The following IFTAP variants were observed in gnomAD, a reference collection of about 807,000 sequenced individuals.
IFTAP encodes intraflagellar transport associated protein, also known as intraflagellar transport-associated protein.
A neutral mutation model predicts 19.4 loss-of-function variants in IFTAP; 19 were observed. That is an observed-to-expected ratio of 0.98 (90% CI 0.68 to 1.44). The LOEUF is 1.44. Among genes scored for constraint, IFTAP ranks in the 40% most tolerant of loss-of-function variants. IFTAP has a pLI of 0.00. For missense variants in IFTAP, 240 were observed against 253.6 expected (o/e 0.95, Z 0.36); for synonymous variants, 85 against 83.5 (o/e 1.02, Z -0.10).
intron 2 of IFTAP, among the ~76,000 whole-genome samples, chr11:36,629,777 GA>G (rs1852659508): frequency 6.6e-6 from 1 of 151,084 alleles, no homozygotes; most frequent in Non-Finnish European, 1.5e-5. Flanking sequence ...AGATCTGTTG[GA>G]AGCTTGTCTG....
chr11:36,622,844 C>T (rs138248359), intron 2 of IFTAP, among the ~76,000 whole-genome samples: 21 of 152,130 alleles, frequency 1.4e-4, no homozygotes, highest in Non-Finnish European at 2.2e-4. Flanking sequence ...GTTTATACCC[C>T]ATTTCTTGAA....
intron 2 of IFTAP, among the ~76,000 whole-genome samples, chr11:36,625,650 A>G (rs761120753): frequency 1.1e-4 from 16 of 152,194 alleles, no homozygotes; most frequent in Non-Finnish European, 1.9e-4. Context: ...AATATCTACT[A>G]TGTGCTAAAT....
chr11:36,603,855 G>T (rs1370690595), intron 1 of IFTAP, among the ~76,000 whole-genome samples: 1 of 151,628 alleles, frequency 6.6e-6, no homozygotes, highest in Non-Finnish European at 1.5e-5. Flanking sequence ...CCAGGAAGTA[G>T]AGGCTGCAGT....
rs28556800 is a variant in IFTAP, at chr11:36,650,559, A to C, written c.498+2404A>C. ...ACCACTGGTTCTTTTTTTTTTTTCCAAAAAAAAAATATATTTTTATTATAC... is the reference window on the plus strand; with the variant it reads ...ACCACTGGTTCTTTTTTTTTTTTCCCAAAAAAAAATATATTTTTATTATAC... On this transcript the variant is annotated intron_variant, in intron 5 of 5. Coordinates refer to ENST00000334307, the MANE Select transcript of IFTAP (RefSeq NM_138787.4). Among the ~76,000 whole-genome samples the C allele has an allele frequency of 3.1e-3, 431 of 139,464 alleles. 4 individuals carry two copies. Among genetic ancestry groups the C allele is most frequent in the South Asian group, 0.025 (112 of 4,422 alleles). The allele number at this position is 139,464 out of a possible 152,430, so 91.5% of individuals were successfully genotyped here. A position where few individuals can be genotyped will look rare whatever the true frequency, so the allele number is the denominator to read the frequency against.
intron 4 of IFTAP, among the ~76,000 whole-genome samples, chr11:36,646,038 A>G (rs1853467660): frequency 6.6e-6 from 1 of 152,164 alleles, no homozygotes; most frequent in Non-Finnish European, 1.5e-5. Flanking sequence ...AGACGTGGAG[A>G]ATACTGAGTC....
chr11:36,613,271 T>C (rs764565061), intron 2 of IFTAP, among the ~76,000 whole-genome samples: 3 of 152,058 alleles, frequency 2.0e-5, no homozygotes, highest in Non-Finnish European at 4.4e-5. Flanking sequence ...AACTAATTTA[T>C]AGGACTTTCT....
At chr11:36,633,090 C>T (rs1318771374) in intron 2 of IFTAP, among the ~76,000 whole-genome samples, 194 bp from the exon 3 acceptor site, 5 of 151,170 alleles carry the variant, frequency 3.3e-5, no homozygotes, top group Admixed American at 2.6e-4. Flanking sequence ...TGTTGAGTGA[C>T]ATAATGTTAT....
intron 4 of IFTAP, among the ~76,000 whole-genome samples, chr11:36,638,839 T>G (rs903011025): frequency 6.6e-6 from 1 of 152,214 alleles, no homozygotes; most frequent in South Asian, 2.1e-4. Context: ...CTCATAAATA[T>G]TCTCTAAGAT....
intron 5 of IFTAP, among the ~76,000 whole-genome samples, chr11:36,654,353 A>G (rs188765338): frequency 1.3e-5 from 2 of 150,466 alleles, no homozygotes; most frequent in Non-Finnish European, 3.0e-5. Context: ...TTTATTTTTT[A>G]TTATACTTTA....
chr11:36,642,481 G>A (rs962480727), intron 4 of IFTAP, among the ~76,000 whole-genome samples: 6 of 152,152 alleles, frequency 3.9e-5, no homozygotes, highest in African/African-American at 1.4e-4. Context: ...AATAGGAAAA[G>A]AGGAAATCCT....
chr11:36,654,337 TA>T (rs1250140213), intron 5 of IFTAP, among the ~76,000 whole-genome samples: 1 of 152,026 alleles, frequency 6.6e-6, no homozygotes, highest in African/African-American at 2.4e-5. Context: ...TATTTTATTT[TA>T]TTTTTTTATT....
In IFTAP at chr11:36,648,038, A is replaced by G. The variant is rs1853559385; in HGVS notation, c.381A>G (p.Glu127=). Residue 127 remains glutamate, a synonymous_variant, in exon 5 of 6, where the codon GAA becomes GAG. Transcript: ENST00000334307. ...MSEDLLLLPG[E]VEQDVSTSIP... Reference sequence around the variant, plus strand: ...CAGATTTGCTGCTGCTTCCAGGAGAAGTGGAGCAGGATGTAAGCACCAGCA... The same window carrying G: ...CAGATTTGCTGCTGCTTCCAGGAGAGGTGGAGCAGGATGTAAGCACCAGCA... 5 of 1,613,172 alleles carry G rather than the reference A, an allele frequency of 3.1e-6. No individual in the cohort carries two copies. The highest frequency in any genetic ancestry group is 1.7e-4 in the Middle Eastern group (1 of 6,044).
At chr11:36,616,013 C>T (rs571129182) in intron 2 of IFTAP, among the ~76,000 whole-genome samples, 1 of 152,104 alleles carries the variant, frequency 6.6e-6, no homozygotes, top group Admixed American at 6.6e-5. Flanking sequence ...GTGGTAATTA[C>T]TGCTCATGTT....
Position 36,651,687 on chromosome 11 carries a change from T to C in IFTAP, c.498+3532T>C, listed in dbSNP as rs187915806. 4.7e-3 allele frequency among the ~76,000 whole-genome samples: 709 copies of C among 152,324 alleles called. 4 individuals are homozygous for C. The highest frequency in any genetic ancestry group is 0.016 in the African/African-American group (652 of 41,562). Reference sequence around the variant, plus strand: ...CTTCTAGGGTTTTTATGGTTTTAGGTCTAACATTTAAATCTTTAATCCATC... The same window carrying C: ...CTTCTAGGGTTTTTATGGTTTTAGGCCTAACATTTAAATCTTTAATCCATC... On this transcript the variant is annotated intron_variant, in intron 5 of 5. Coordinates refer to ENST00000334307, the MANE Select transcript of IFTAP (RefSeq NM_138787.4).
rs139867186 is a variant in IFTAP, at chr11:36,628,172, T to G, written c.137-5112T>G. 3.3e-3 allele frequency among the ~76,000 whole-genome samples: 493 copies of G among 151,132 alleles called. 26 individuals carry two copies. The highest frequency in any genetic ancestry group is 0.011 in the African/African-American group (449 of 40,468). On this transcript the variant is annotated intron_variant, in intron 2 of 5. Coordinates refer to ENST00000334307, the MANE Select transcript of IFTAP (RefSeq NM_138787.4). ...CTTAGAGCACAGCTCTAATTGTGAC[T>G]CCCCAGGATGTAGGTCAAGTACAGA...
Position 36,596,674 on chromosome 11 carries a change from A to C in IFTAP, c.-24+2082A>C, listed in dbSNP as rs1453605394. Among the ~76,000 whole-genome samples the C allele has an allele frequency of 2.0e-5, 3 of 152,348 alleles. No homozygotes were observed. The East Asian group carries it at 5.8e-4, about 29-fold the overall frequency. ...TTGGGTGGGGGGAACACCAAAGCCA[A>C]GGCCTGCTTGTTTCAAACACCTGTG... On this transcript the variant is annotated intron_variant, in intron 1 of 5. Coordinates refer to ENST00000334307, the MANE Select transcript of IFTAP (RefSeq NM_138787.4).
Position 36,629,082 on chromosome 11 carries a change from C to T in IFTAP, c.137-4202C>T, listed in dbSNP as rs377332915. Among the ~76,000 whole-genome samples, 14 of 151,398 alleles carry T rather than the reference C, an allele frequency of 9.2e-5. No individual in the cohort carries two copies. In the East Asian group the frequency reaches 2.3e-3, roughly 25 times the overall value. Reference sequence around the variant, plus strand: ...TGGTTTTTAAATTGCTTATTTAGTTCGAACGACTATCGCTCCAGGGGAGGC... The same window carrying T: ...TGGTTTTTAAATTGCTTATTTAGTTTGAACGACTATCGCTCCAGGGGAGGC... On this transcript the variant is annotated intron_variant, in intron 2 of 5. Coordinates refer to ENST00000334307, the MANE Select transcript of IFTAP (RefSeq NM_138787.4).
intron 2 of IFTAP, among the ~76,000 whole-genome samples, chr11:36,621,104 T>G (rs1852273529): frequency 6.6e-6 from 1 of 151,998 alleles, no homozygotes; most frequent in Non-Finnish European, 1.5e-5. Context: ...GCATTTCTCT[T>G]TAACTTGAGA....
At chr11:36,650,535 C>T (rs1853672065) in intron 5 of IFTAP, among the ~76,000 whole-genome samples, 1 of 127,772 alleles carries the variant, frequency 7.8e-6, no homozygotes, top group Non-Finnish European at 1.6e-5. Context: ...CCTAATTTTA[C>T]CACTGGTTCT....
Sources: allele counts gnomAD v4.1 joint callset (sites outside exome capture counted in the v4.1 genomes callset), GRCh38; gene constraint gnomAD v4.1.1; transcripts MANE v1.5; gene names NCBI Gene and HGNC (gene_info 2026-07-23, HGNC 2026-07-21).